The following PTPRN2 variants were observed in gnomAD, a reference collection of about 807,000 sequenced individuals.
PTPRN2 encodes the protein protein tyrosine phosphatase receptor type N2, also known as receptor-type tyrosine-protein phosphatase N2.
Under a neutral mutation model 118.8 loss-of-function variants are expected in PTPRN2, and 74 were observed. The ratio of observed to expected loss-of-function variants is 0.62; its 90% CI spans 0.52 to 0.76. The LOEUF (loss-of-function observed/expected upper bound fraction) is 0.76. PTPRN2 is among the 30% of genes least tolerant of loss of function. The probability of loss-of-function intolerance (pLI) is 0.00; values close to 1 mark genes in which losing one functional copy is unlikely to be tolerated. For missense variants in PTPRN2, 1,481 were observed against 1,394.4 expected, an observed-to-expected ratio of 1.06 and a Z score of -0.99; for synonymous variants, 641 against 608.0, an observed-to-expected ratio of 1.05 and a Z score of -0.80.
intron 2 of PTPRN2, among the ~76,000 whole-genome samples, chr7:158,486,998 A>T (rs1482438656): frequency 2.0e-5 from 3 of 152,146 alleles, no homozygotes; most frequent in Non-Finnish European, 4.4e-5. Flanking sequence ...GACTATCTTT[A>T]GTACGTCACA....
intron 11 of PTPRN2, among the ~76,000 whole-genome samples, chr7:157,952,506 G>A (rs1170171191): frequency 1.3e-5 from 2 of 151,558 alleles, no homozygotes; most frequent in Admixed American, 1.3e-4. Flanking sequence ...GGAGGGAGAC[G>A]CTGACTCCGT....
In PTPRN2 at chr7:158,192,376, G is replaced by A. The variant is rs771210728; in HGVS notation, c.500C>T (p.Ser167Leu). ...FLEALSQAPA[S>L]DVLARTHTAQ... is the part of the protein sequence containing the mutation. ...CGTATGGGTCCTGGCGAGCACGTCT[G>A]AGGCTGGGGCCTGGGACAGGGCCTC... The change falls in exon 5 of 23, where the codon TCA (serine) becomes TTA (leucine). Residue 167 changes from serine to leucine, a missense_variant. Physicochemically the swap from Ser to Leu is moderately radical, Grantham distance 145 (BLOSUM62 -2). This residue lies in a region of PTPRN2 where 1,115 missense variants were observed against 994.2 expected (regional missense o/e 1.12). Coordinates refer to ENST00000389418, the MANE Select transcript of PTPRN2 (RefSeq NM_002847.5). The A allele has an allele frequency of 3.9e-6, 6 of 1,527,338 alleles. No homozygotes were observed. The South Asian group carries it at 7.9e-5, about 20-fold the overall frequency. The allele number at this position is 1,527,338 out of a possible 1,614,324, so 94.6% of individuals were successfully genotyped here. A position where few individuals can be genotyped will look rare whatever the true frequency, so the allele number is the denominator to read the frequency against.
At position 158,190,159 on chromosome 7, in the gene PTPRN2, C is replaced by T. The variant is rs60639062; in HGVS notation, c.549+2168G>A. On this transcript the variant is annotated intron_variant, in intron 5 of 22. Transcript: ENST00000389418. ...TGGGCACTCCATGAGGAGCTTCACA[C>T]GTGGCTCTCATGACACCTCCAGGGC... 3.5e-3 allele frequency among the ~76,000 whole-genome samples: 534 copies of T among 152,294 alleles called. 8 individuals carry two copies. Among genetic ancestry groups the T allele is most frequent in the African/African-American group, 0.013 (521 of 41,558 alleles).
chr7:158,141,891 TAC>T (rs1819417877), intron 6 of PTPRN2, among the ~76,000 whole-genome samples: 1 of 152,226 alleles, frequency 6.6e-6, no homozygotes, highest in Non-Finnish European at 1.5e-5. Flanking sequence ...AGTCAATCTG[TAC>T]ACGAAATGTG....
rs915370878 is a variant in PTPRN2, at chr7:157,609,404, A to AT, written c.2345-5330dup. ...GTCTCAAAAAAATTTTTTTTTAAATATAAAAAAAAAGAGTATTTCAAATTT... is the reference window on the plus strand; with the variant it reads ...GTCTCAAAAAAATTTTTTTTTAAATATTAAAAAAAAAGAGTATTTCAAATTT... On this transcript the variant is annotated intron_variant, in intron 15 of 22. Coordinates refer to ENST00000389418, the MANE Select transcript of PTPRN2 (RefSeq NM_002847.5). The surrounding 1 kb of genome is among the most constrained non-coding windows in gnomAD (Gnocchi z 4.9). 9.2e-5 allele frequency among the ~76,000 whole-genome samples: 14 copies of AT among 152,242 alleles called. No homozygotes were observed. Among genetic ancestry groups the AT allele is most frequent in the African/African-American group, 3.4e-4 (14 of 41,540 alleles).
chr7:157,951,727 C>T (rs927749895), intron 11 of PTPRN2, among the ~76,000 whole-genome samples: 6 of 152,250 alleles, frequency 3.9e-5, no homozygotes, highest in East Asian at 1.9e-4. Flanking sequence ...TCCCTCCTGC[C>T]GGACTGCAAC....
At chr7:158,492,752 T>G (rs552356971) in intron 1 of PTPRN2, among the ~76,000 whole-genome samples, 1 of 152,394 alleles carries the variant, frequency 6.6e-6, no homozygotes, top group Non-Finnish European at 1.5e-5. Flanking sequence ...ATCAGCCACC[T>G]ACTAATAGTA....
intron 2 of PTPRN2, among the ~76,000 whole-genome samples, chr7:158,340,415 ACT>A (rs1399939093): frequency 4.4e-5 from 3 of 67,424 alleles, no homozygotes; most frequent in African/African-American, 1.5e-4. Context: ...CGCAGACGTC[ACT>A]CACACACACA....
rs77862228 is a variant in PTPRN2, at chr7:158,134,599, C to T, written c.1174-540G>A. On this transcript the variant is annotated intron_variant, in intron 8 of 22. Coordinates refer to ENST00000389418, the MANE Select transcript of PTPRN2 (RefSeq NM_002847.5). ...TAACCCCAGTTCACAGAAGGGGAGA[C>T]GGAGGCACAAAGCGATTAACCCACA... is the stretch of plus-strand genomic sequence containing the variant. Among the ~76,000 whole-genome samples, 813 of 152,180 alleles carry T rather than the reference C, an allele frequency of 5.3e-3. 49 individuals are homozygous for T. The South Asian group carries it at 0.13, about 24-fold the overall frequency.
chr7:158,469,579 T>C (rs372089568), intron 2 of PTPRN2, among the ~76,000 whole-genome samples: 2 of 152,202 alleles, frequency 1.3e-5, no homozygotes, highest in East Asian at 3.8e-4. Flanking sequence ...TCTTCCCCTG[T>C]GGTCAGCAGC....
intron 11 of PTPRN2, among the ~76,000 whole-genome samples, chr7:158,047,162 C>T (rs1220111400): frequency 6.6e-6 from 1 of 152,248 alleles, no homozygotes; most frequent in East Asian, 1.9e-4. Flanking sequence ...ACACACACTG[C>T]TACTTTCTGA....
At chr7:157,984,184 G>A (rs1294694241) in intron 11 of PTPRN2, among the ~76,000 whole-genome samples, 1 of 151,966 alleles carries the variant, frequency 6.6e-6, no homozygotes, top group Non-Finnish European at 1.5e-5. Flanking sequence ...CAATGACCTT[G>A]TGTAAACCAG....
chr7:157,706,230 T>G (rs1798323302), intron 12 of PTPRN2, among the ~76,000 whole-genome samples: 1 of 152,016 alleles, frequency 6.6e-6, no homozygotes, highest in African/African-American at 2.4e-5. Context: ...CAGTGCCTTC[T>G]GGATTAGCGG....
chr7:158,488,876 G>A (rs1563350482), intron 2 of PTPRN2, among the ~76,000 whole-genome samples: 1 of 152,218 alleles, frequency 6.6e-6, no homozygotes, highest in Non-Finnish European at 1.5e-5. Flanking sequence ...AGGCGGCTCC[G>A]CCCAGCGCTT....
intron 9 of PTPRN2, among the ~76,000 whole-genome samples, chr7:158,131,385 T>C (rs1460861914): frequency 9.4e-4 from 49 of 52,296 alleles, no homozygotes; most frequent in African/African-American, 3.6e-3. Context: ...CACACACTCA[T>C]ACACACACGT....
intron 12 of PTPRN2, among the ~76,000 whole-genome samples, chr7:157,799,863 C>T (rs1360194689): frequency 2.5e-4 from 26 of 103,236 alleles, no homozygotes; most frequent in East Asian, 5.7e-4. Flanking sequence ...ACAGCCGGCC[C>T]CCTCCATCCC....
intron 11 of PTPRN2, among the ~76,000 whole-genome samples, chr7:158,026,850 C>T (rs552820542): frequency 1.3e-5 from 2 of 152,342 alleles, no homozygotes; most frequent in East Asian, 1.9e-4. Flanking sequence ...ACGGCCCTGT[C>T]CTCTGCAGGG....
At chr7:157,804,352 C>G (rs1318178241) in intron 12 of PTPRN2, among the ~76,000 whole-genome samples, 3 of 152,232 alleles carry the variant, frequency 2.0e-5, no homozygotes, top group African/African-American at 7.2e-5. Flanking sequence ...TCTTTCCACA[C>G]ACTTCTTCAT....
chr7:157,832,249 G>A (rs1446202998), intron 12 of PTPRN2, among the ~76,000 whole-genome samples: 1 of 152,188 alleles, frequency 6.6e-6, no homozygotes, highest in Non-Finnish European at 1.5e-5. Flanking sequence ...TTCATAAACA[G>A]GAGGATTATT....
Sources: allele counts gnomAD v4.1 joint callset (sites outside exome capture counted in the v4.1 genomes callset), GRCh38; gene constraint gnomAD v4.1.1; regional missense constraint gnomAD v4.1.1; non-coding constraint Gnocchi (gnomAD v3.1); transcripts MANE v1.5; gene names NCBI Gene and HGNC (gene_info 2026-07-23, HGNC 2026-07-21).